Variants in DIS3L2 observed in about 807,000 individuals in gnomAD.
DIS3L2 encodes DIS3-like exonuclease 2.
DIS3L2 carries 34 observed loss-of-function variants against 97.5 expected under a neutral mutation model. The ratio of observed to expected loss-of-function variants is 0.35; its 90% CI spans 0.27 to 0.46. DIS3L2 has a LOEUF of 0.46. Ranked by LOEUF, DIS3L2 falls within the 20% of genes least tolerant of loss-of-function variation. DIS3L2 has a pLI of 1.00. For missense variants in DIS3L2, 1,038 were observed against 1,146.0 expected, an observed-to-expected ratio of 0.91 and a Z score of 1.36; for synonymous variants, 435 against 445.2, an observed-to-expected ratio of 0.98 and a Z score of 0.29.
chr2:232,217,360 C>G (rs1396989820), intron 10 of DIS3L2, among the ~76,000 whole-genome samples: 1 of 152,236 alleles, frequency 6.6e-6, no homozygotes, highest in Admixed American at 6.5e-5. Flanking sequence ...CAGAAGACTG[C>G]TATGACCAAA....
intron 1 of DIS3L2, among the ~76,000 whole-genome samples, chr2:232,004,457 T>G (rs1432747973): frequency 1.3e-5 from 2 of 152,224 alleles, no homozygotes; most frequent in East Asian, 1.9e-4. Context: ...TTTTTCAGGT[T>G]GTATAATTTC....
intron 5 of DIS3L2, among the ~76,000 whole-genome samples, chr2:232,039,755 T>C (rs145013844): frequency 6.6e-6 from 1 of 152,334 alleles, no homozygotes; most frequent in Non-Finnish European, 1.5e-5. Flanking sequence ...TGAGAGTGAC[T>C]GGTTTGAGGA....
chr2:232,189,515 G>A (rs943605238), intron 9 of DIS3L2, among the ~76,000 whole-genome samples: 5 of 152,184 alleles, frequency 3.3e-5, no homozygotes, highest in African/African-American at 1.2e-4. Context: ...AGTCAGCTGA[G>A]TTTAAGATTC....
At chr2:232,141,398 T>C (rs1028834113) in intron 8 of DIS3L2, among the ~76,000 whole-genome samples, 4 of 152,160 alleles carry the variant, frequency 2.6e-5, no homozygotes, top group Non-Finnish European at 4.4e-5. Flanking sequence ...GCTGAAGATA[T>C]GTGACATGAA....
intron 9 of DIS3L2, among the ~76,000 whole-genome samples, chr2:232,177,212 A>G (rs1226066604): frequency 7.7e-5 from 11 of 142,094 alleles, no homozygotes; most frequent in African/African-American, 2.9e-4. Context: ...TCATTGTTGG[A>G]CATTTGGGTT....
At chr2:232,009,461 CTTTCTTGTTTT>C (rs1323552779) in intron 1 of DIS3L2, among the ~76,000 whole-genome samples, 1 of 152,032 alleles carries the variant, frequency 6.6e-6, no homozygotes. Flanking sequence ...TTAGCTCATC[CTTTCTTGTTTT>C]TATTTTTCAG....
chr2:231,994,534 G>C (rs1455087599), intron 1 of DIS3L2, among the ~76,000 whole-genome samples: 2 of 152,152 alleles, frequency 1.3e-5, no homozygotes, highest in African/African-American at 4.8e-5. Flanking sequence ...GTGGAACATA[G>C]GAAGCTTACC....
At chr2:232,086,066 A>G (rs1307012017) in intron 5 of DIS3L2, among the ~76,000 whole-genome samples, 1 of 151,906 alleles carries the variant, frequency 6.6e-6, no homozygotes, top group African/African-American at 2.4e-5. Context: ...CATAGCTCTG[A>G]GATTACAGGT....
At chr2:232,218,471 G>C (rs1401692920) in intron 10 of DIS3L2, among the ~76,000 whole-genome samples, 2 of 151,602 alleles carry the variant, frequency 1.3e-5, no homozygotes, top group Admixed American at 1.3e-4. Context: ...TTTCAGGCCG[G>C]GTGTGGTGGC....
At position 232,310,385 on chromosome 2, in the gene DIS3L2, C is replaced by T. The variant is rs533946896; in HGVS notation, c.1739+10266C>T. On this transcript the variant is annotated intron_variant, in intron 14 of 20. Coordinates refer to ENST00000325385, the MANE Select transcript of DIS3L2 (RefSeq NM_152383.5). ...TGTGAGCTCACTGTTCCACCACAGC[C>T]GTTAGTGTTTGGCATCAGCATGATG... is the stretch of plus-strand genomic sequence containing the variant. Among the ~76,000 whole-genome samples, 62 of 152,260 alleles carry T rather than the reference C, an allele frequency of 4.1e-4. 1 individual carries two copies. Among genetic ancestry groups the T allele is most frequent in the African/African-American group, 1.4e-3 (57 of 41,550 alleles).
chr2:232,172,828 A>G (rs1174175989), intron 9 of DIS3L2: 1 of 520,016 alleles, frequency 1.9e-6, no homozygotes, highest in African/African-American at 1.9e-5. Flanking sequence ...GGTGTGGGGT[A>G]GTATCTCATT....
At chr2:232,078,471 T>G (rs1189818518) in intron 5 of DIS3L2, among the ~76,000 whole-genome samples, 1 of 152,210 alleles carries the variant, frequency 6.6e-6, no homozygotes, top group African/African-American at 2.4e-5. Context: ...AACCACTGAT[T>G]TAGACTTCTT....
At chr2:232,300,700 G>A (rs575227621) in intron 14 of DIS3L2, among the ~76,000 whole-genome samples, 4 of 147,740 alleles carry the variant, frequency 2.7e-5, no homozygotes, top group South Asian at 2.1e-4. Flanking sequence ...TGTCACCTGG[G>A]CTAGAGTGCA....
chr2:232,059,848 T>C (rs1574844168), intron 5 of DIS3L2, among the ~76,000 whole-genome samples: 1 of 152,188 alleles, frequency 6.6e-6, no homozygotes, highest in Admixed American at 6.5e-5. Context: ...TATTCCATGG[T>C]ATATGTGTAC....
Position 232,335,675 on chromosome 2 carries a change from G to A in DIS3L2, c.2395-98G>A, listed in dbSNP as rs1024325358. ...CCAGGCAAGGGTGGGCCAGGGCCGA[G>A]GGCTGAGGGCCGCCTCCAAGCATTG... On this transcript the variant is annotated intron_variant, in intron 19 of 20. Coordinates refer to ENST00000325385, the MANE Select transcript of DIS3L2 (RefSeq NM_152383.5). 2.3e-5 allele frequency: 32 copies of A among 1,381,074 alleles called. 1 individual carries two copies. In the Admixed American group the frequency reaches 3.5e-4, roughly 15 times the overall value. The allele number at this position is 1,381,074 out of a possible 1,614,324, so 85.6% of individuals were successfully genotyped here. A position where few individuals can be genotyped will look rare whatever the true frequency, so the allele number is the denominator to read the frequency against.
intron 5 of DIS3L2, among the ~76,000 whole-genome samples, chr2:232,041,126 A>G (rs778473578): frequency 1.3e-5 from 2 of 152,194 alleles, no homozygotes; most frequent in Non-Finnish European, 2.9e-5. Context: ...CTGGAGAGGT[A>G]TGATAGGACA....
At chr2:232,196,651 T>C (rs1247304267) in intron 9 of DIS3L2, among the ~76,000 whole-genome samples, 2 of 151,898 alleles carry the variant, frequency 1.3e-5, no homozygotes, top group Admixed American at 1.3e-4. Flanking sequence ...GACTCTCCCT[T>C]TGAAAGAGAC....
chr2:232,011,464 C>T (rs141603107), intron 1 of DIS3L2, among the ~76,000 whole-genome samples: 8 of 151,936 alleles, frequency 5.3e-5, no homozygotes, highest in Middle Eastern at 3.4e-3. Flanking sequence ...AGCAGTTCTC[C>T]ACCTTAGCCT....
intron 13 of DIS3L2, among the ~76,000 whole-genome samples, chr2:232,298,785 T>C (rs1334776398): frequency 6.6e-6 from 1 of 152,264 alleles, no homozygotes; most frequent in Non-Finnish European, 1.5e-5. Context: ...AACATAGTAG[T>C]TGGCTTGCAT....
Sources: gnomAD v4.1 joint callset for allele counts (sites outside exome capture counted in the v4.1 genomes callset) on GRCh38, gnomAD v4.1.1 for gene constraint, MANE v1.5 for transcripts, NCBI Gene and HGNC (gene_info 2026-07-23, HGNC 2026-07-21) for gene names.